LRBA: variants seen among roughly 807,000 people sequenced by gnomAD.
The protein encoded by LRBA is lipopolysaccharide-responsive and beige-like anchor protein.
In LRBA, 176 loss-of-function variants were observed where a neutral mutation model predicts 330.0. The observed-to-expected ratio is 0.53, with a 90% CI of 0.47 to 0.60. The LOEUF (loss-of-function observed/expected upper bound fraction) is 0.60, where lower values mean the gene tolerates loss of function less well. LRBA is among the 20% of genes least tolerant of loss of function. LRBA has a pLI of 0.00. For missense variants in LRBA, 3,259 were observed against 3,444.8 expected (o/e 0.95, Z 1.35); for synonymous variants, 1,230 against 1,193.0 (o/e 1.03, Z -0.64).
chr4:150,654,814 A>G (rs1279222879), intron 37 of LRBA, among the ~76,000 whole-genome samples: 1 of 151,816 alleles, frequency 6.6e-6, no homozygotes. Flanking sequence ...TGTCCTTGCG[A>G]TAGTTTGCTG....
intron 40 of LRBA, among the ~76,000 whole-genome samples, chr4:150,505,459 A>G (rs985373092): frequency 2.0e-5 from 3 of 152,230 alleles, no homozygotes; most frequent in African/African-American, 7.2e-5. Context: ...TGGAAACTGA[A>G]CAACCTGCTC....
At chr4:150,833,789 T>C (rs528102241) in intron 28 of LRBA, among the ~76,000 whole-genome samples, 1 of 151,992 alleles carries the variant, frequency 6.6e-6, no homozygotes, top group Non-Finnish European at 1.5e-5. Flanking sequence ...ACTGAATCTT[T>C]CTTTCACAAA....
intron 40 of LRBA, among the ~76,000 whole-genome samples, chr4:150,535,881 G>A (rs1265028480): frequency 6.6e-6 from 1 of 151,990 alleles, no homozygotes; most frequent in South Asian, 2.1e-4. Flanking sequence ...ACAGAACTTC[G>A]ACATGACTAA....
intron 56 of LRBA, 56 bp downstream of exon 56, chr4:150,277,797 C>G (rs1229799841): frequency 1.3e-6 from 2 of 1,554,696 alleles, no homozygotes; most frequent in African/African-American, 1.4e-5. Context: ...CCAACACGAC[C>G]AGTCCCCTCT....
chr4:150,844,135 T>A lies in LRBA; in HGVS notation c.4534A>T (p.Ile1512Phe). 6.2e-7 allele frequency: 1 copy of A among 1,611,820 alleles called. No homozygotes were observed. ...DLDRLLQDMD[I>F]NRLRAVVFRD... ...AAAACAACTGCCCTAAGCCGATTAA[T>A]ATCCATGTCCTGTAGAAGCCTGTCA... is the stretch of plus-strand genomic sequence containing the variant. The change falls in exon 28 of 57, where the codon ATT becomes TTT. Residue 1512 changes from isoleucine (I) to phenylalanine (F), a missense_variant. Coordinates refer to ENST00000651943, the MANE Select transcript of LRBA (RefSeq NM_001364905.1).
chr4:150,516,713 T>A (rs1012695449), intron 40 of LRBA, among the ~76,000 whole-genome samples: 3 of 151,728 alleles, frequency 2.0e-5, no homozygotes, highest in Non-Finnish European at 4.4e-5. Flanking sequence ...AATAAAAAAA[T>A]TAAGAGTTAT....
intron 34 of LRBA, among the ~76,000 whole-genome samples, chr4:150,765,355 A>G (rs1425484354): frequency 2.0e-5 from 3 of 152,086 alleles, no homozygotes; most frequent in Non-Finnish European, 4.4e-5. Context: ...ACATTTGTCT[A>G]AACTCACAGA....
chr4:150,804,470 T>C (rs1742249251), intron 33 of LRBA, among the ~76,000 whole-genome samples: 1 of 152,196 alleles, frequency 6.6e-6, no homozygotes, highest in Non-Finnish European at 1.5e-5. Context: ...CTTAAACTAT[T>C]AGCCTACCTA....
intron 40 of LRBA, among the ~76,000 whole-genome samples, chr4:150,507,762 A>G (rs955826834): frequency 2.0e-5 from 3 of 152,212 alleles, no homozygotes; most frequent in Admixed American, 6.5e-5. Context: ...TCTGCAGAGC[A>G]AAAGAAACTA....
rs555416547 is a variant in LRBA, at chr4:150,370,317, C to G, written c.7195-20158G>C. Among the ~76,000 whole-genome samples the G allele has an allele frequency of 4.6e-5, 7 of 152,212 alleles. No homozygotes were observed. In the South Asian group the frequency reaches 1.4e-3, roughly 32 times the overall value. On this transcript the variant is annotated intron_variant, in intron 47 of 56. Transcript: ENST00000651943. ...TTTAGTAGGTGAATGGATAAACAAA[C>G]TATGGTCCATCCATACAATGGAATA...
intron 34 of LRBA, among the ~76,000 whole-genome samples, chr4:150,793,786 T>C (rs1334243749): frequency 6.6e-6 from 1 of 152,206 alleles, no homozygotes; most frequent in Non-Finnish European, 1.5e-5. Flanking sequence ...AAAGAGATTG[T>C]AATTTATCTA....
chr4:150,629,772 CCAG>C (rs1173749702), intron 37 of LRBA, among the ~76,000 whole-genome samples: 5 of 152,120 alleles, frequency 3.3e-5, no homozygotes, highest in African/African-American at 1.2e-4. Flanking sequence ...GAGTTCCAGA[CCAG>C]CCTGGCCAAC....
intron 40 of LRBA, among the ~76,000 whole-genome samples, chr4:150,527,574 A>G (rs1763608385): frequency 6.6e-6 from 1 of 152,214 alleles, no homozygotes; most frequent in Non-Finnish European, 1.5e-5. Context: ...TCCTAAAATG[A>G]CAGCTATGGG....
Position 150,683,564 on chromosome 4 carries a change from T to G in LRBA, c.5908A>C (p.Asn1970His), listed in dbSNP as rs1262970459. The G allele has an allele frequency of 1.9e-6, 3 of 1,613,808 alleles. No homozygotes were observed. Among genetic ancestry groups the G allele is most frequent in the Non-Finnish European group, 2.5e-6 (3 of 1,179,802 alleles). The part of the protein sequence containing the change: ...ILTDKHGAWG[N>H]SAVSRPLEFW... ...GTATCCCTTTACCTCACTGCAGAAT[T>G]TCCCCAGGCTCCATGCTTGTCTGTG... is the stretch of plus-strand genomic sequence containing the variant. Residue 1970 changes from asparagine to histidine, a missense_variant, in exon 37 of 57, where the codon AAT becomes CAT. Transcript: ENST00000651943.
At chr4:150,782,617 T>C (rs1738424453) in intron 34 of LRBA, among the ~76,000 whole-genome samples, 1 of 152,210 alleles carries the variant, frequency 6.6e-6, no homozygotes, top group Non-Finnish European at 1.5e-5. Context: ...TCTCTAATAA[T>C]GATACATACG....
chr4:150,467,514 A>G (rs545007762), intron 44 of LRBA, among the ~76,000 whole-genome samples, 159 bp downstream of exon 44: 5 of 152,264 alleles, frequency 3.3e-5, no homozygotes, highest in African/African-American at 9.6e-5. Context: ...TATCATGCAC[A>G]TTAAATTTTT....
At chr4:150,985,616 A>G (rs1036424104) in intron 2 of LRBA, among the ~76,000 whole-genome samples, 3 of 151,656 alleles carry the variant, frequency 2.0e-5, no homozygotes, top group Admixed American at 2.0e-4. Flanking sequence ...CTCCTGCCTC[A>G]GCCTCCCGAG....
At chr4:150,640,933 A>AACC (rs1461390183) in intron 37 of LRBA, among the ~76,000 whole-genome samples, 1 of 152,156 alleles carries the variant, frequency 6.6e-6, no homozygotes, top group African/African-American at 2.4e-5. Context: ...ATTTGTCTAC[A>AACC]ACCACTCTCT....
rs945334348 is a variant in LRBA, at chr4:150,389,835, T to C, written c.7194+25603A>G. ...ACCAACAAATTCCTATGGTACATAATGTCAGTGTTGTCGGCAACAAATGTG... is the reference window on the plus strand; with the variant it reads ...ACCAACAAATTCCTATGGTACATAACGTCAGTGTTGTCGGCAACAAATGTG... On this transcript the variant is annotated intron_variant, in intron 47 of 56. Coordinates refer to ENST00000651943, the MANE Select transcript of LRBA (RefSeq NM_001364905.1). Among the ~76,000 whole-genome samples the C allele has an allele frequency of 5.6e-5, 8 of 143,720 alleles. No homozygotes were observed. The East Asian group carries it at 1.4e-3, about 26-fold the overall frequency. 94.3% of individuals were successfully genotyped at this position (143,720 alleles called of 152,430 possible). A position where few individuals can be genotyped will look rare whatever the true frequency, so the allele number is the denominator to read the frequency against.
Sources: gnomAD v4.1 joint callset for allele counts (sites outside exome capture counted in the v4.1 genomes callset) on GRCh38, gnomAD v4.1.1 for gene constraint, MANE v1.5 for transcripts, NCBI Gene and HGNC (gene_info 2026-07-23, HGNC 2026-07-21) for gene names.